The following STARD13 variants were observed in gnomAD, a reference collection of about 807,000 sequenced individuals.
STARD13 encodes the protein StAR related lipid transfer domain containing 13, also known as stAR-related lipid transfer protein 13.
In STARD13, 62 loss-of-function variants were observed where a neutral mutation model predicts 106.4. The observed-to-expected ratio is 0.58, with a 90% CI of 0.48 to 0.72. The LOEUF (loss-of-function observed/expected upper bound fraction) is 0.72. Ranked by LOEUF, STARD13 falls within the 30% of genes least tolerant of loss-of-function variation. The pLI is 0.00. For synonymous variants in STARD13, 565 were observed against 553.0 expected (o/e 1.02, Z -0.31); for missense variants, 1,387 against 1,424.0 (o/e 0.97, Z 0.42).
chr13:33,439,666 A>G, the STARD13 span: 1 of 1,235,824 alleles, frequency 8.1e-7, no homozygotes, highest in South Asian at 1.3e-5. Context: ...CATAAACAGG[A>G]AAACATTTTC....
intron 1 of STARD13, among the ~76,000 whole-genome samples, chr13:33,222,098 G>A (rs531187572): frequency 8.6e-5 from 13 of 151,362 alleles, no homozygotes; most frequent in Non-Finnish European, 1.8e-4. Context: ...GCAGTGAGCC[G>A]AGATCACACC....
chr13:33,614,082 A>G, the STARD13 span, among the ~76,000 whole-genome samples: 6 of 152,174 alleles, frequency 3.9e-5, no homozygotes, highest in Non-Finnish European at 8.8e-5. Flanking sequence ...AAGCCAATTA[A>G]ATGTTTTAAA....
rs1884812862 is a variant in STARD13, at chr13:33,177,937, AAGG to A, written c.170-10318_170-10316del. Among the ~76,000 whole-genome samples, 9 of 10,352 alleles carry A rather than the reference AAGG, an allele frequency of 8.7e-4. 1 individual carries two copies. The highest frequency in any genetic ancestry group is 5.4e-3 in the African/African-American group (8 of 1,472). The allele number at this position is 10,352 out of a possible 152,430, so 6.8% of individuals were successfully genotyped here. Reference sequence around the variant, plus strand: ...GAAGGAAGGAAGGAAGGAAGGAAGGAAGGAAGGAAGGAAGGAAAGGAAGGAAGG... The same window carrying A: ...GAAGGAAGGAAGGAAGGAAGGAAGGAAAGGAAGGAAGGAAAGGAAGGAAGG... On this transcript the variant is annotated intron_variant, in intron 1 of 13. Transcript: ENST00000336934.
At chr13:33,268,379 T>C (rs545001733) in intron 1 of STARD13, among the ~76,000 whole-genome samples, 11 of 152,354 alleles carry the variant, frequency 7.2e-5, no homozygotes, top group Non-Finnish European at 4.4e-5. Context: ...CCATAAGTAG[T>C]TCATCCATAG....
the STARD13 span, among the ~76,000 whole-genome samples, chr13:33,444,342 T>C: frequency 1.0e-3 from 153 of 152,350 alleles, no homozygotes; most frequent in Non-Finnish European, 1.6e-3. Flanking sequence ...AATTATCTCA[T>C]GGATAATTCT....
chr13:33,620,592 ATTC>A, the STARD13 span, among the ~76,000 whole-genome samples: 7 of 152,044 alleles, frequency 4.6e-5, no homozygotes, highest in African/African-American at 1.4e-4. Flanking sequence ...CAGAATATGC[ATTC>A]TTTTCAAGTA....
At chr13:33,656,769 T>A in the STARD13 span, 11 of 152,296 alleles carry the variant, frequency 7.2e-5, no homozygotes, top group South Asian at 2.3e-3. Flanking sequence ...AATACTCAGA[T>A]CCTTAAATCT....
At chr13:33,622,792 T>A in the STARD13 span, among the ~76,000 whole-genome samples, 1 of 149,416 alleles carries the variant, frequency 6.7e-6, no homozygotes, top group African/African-American at 2.5e-5. Flanking sequence ...TGGTGGCGCA[T>A]GCCTGTAGTC....
At chr13:33,347,220 G>A (rs1049311282), downstream of STARD13, among the ~76,000 whole-genome samples, 1 of 152,050 alleles carries the variant, frequency 6.6e-6, no homozygotes, top group African/African-American at 2.4e-5. Flanking sequence ...TTACAATGCC[G>A]TGTTTTTAGC....
chr13:33,315,728 G>A (rs1198204307), intron 1 of STARD13, among the ~76,000 whole-genome samples: 1 of 152,120 alleles, frequency 6.6e-6, no homozygotes, highest in Non-Finnish European at 1.5e-5. Context: ...CTAGGTCAAA[G>A]CATTCAACAT....
At chr13:33,151,481 AG>A (rs34707984) in intron 3 of STARD13, among the ~76,000 whole-genome samples, 2 of 152,204 alleles carry the variant, frequency 1.3e-5, no homozygotes. Flanking sequence ...ATTCAACATC[AG>A]GAAGATGACA....
At chr13:33,593,060 A>C in the STARD13 span, among the ~76,000 whole-genome samples, 1 of 152,338 alleles carries the variant, frequency 6.6e-6, no homozygotes, top group Non-Finnish European at 1.5e-5. Context: ...CACTAGGTCA[A>C]TATGCCAGGG....
chr13:33,110,188 G>T, intron 11 of STARD13, 98 bp from the exon 12 acceptor site: 1 of 1,065,074 alleles, frequency 9.4e-7, no homozygotes, highest in Admixed American at 2.1e-5. Flanking sequence ...ACCTTGCTGG[G>T]TGTTCAAAAA....
chr13:33,309,810 A>C (rs1399626485), intron 1 of STARD13, among the ~76,000 whole-genome samples: 2 of 152,198 alleles, frequency 1.3e-5, no homozygotes, highest in Non-Finnish European at 2.9e-5. Context: ...GTACAGAAAG[A>C]GTCTCTTCTG....
At chr13:33,589,560 A>C in the STARD13 span, among the ~76,000 whole-genome samples, 1 of 152,166 alleles carries the variant, frequency 6.6e-6, no homozygotes, top group African/African-American at 2.4e-5. Context: ...TTATGTACCC[A>C]GTAGTCATTC....
the STARD13 span, among the ~76,000 whole-genome samples, chr13:33,461,387 G>A: frequency 6.6e-6 from 1 of 152,160 alleles, no homozygotes; most frequent in Non-Finnish European, 1.5e-5. Flanking sequence ...CTAAGTGCTT[G>A]TGCTAAGTTT....
intron 1 of STARD13, among the ~76,000 whole-genome samples, chr13:33,208,928 A>G (rs1370659225): frequency 6.6e-6 from 1 of 152,238 alleles, no homozygotes; most frequent in Non-Finnish European, 1.5e-5. Context: ...GAACTTACAA[A>G]TAAATTATGG....
the STARD13 span, among the ~76,000 whole-genome samples, chr13:33,474,423 C>G: frequency 6.6e-6 from 1 of 152,164 alleles, no homozygotes. Flanking sequence ...TATCTCATGA[C>G]TAGAATTCTG....
intron 1 of STARD13, among the ~76,000 whole-genome samples, chr13:33,226,457 A>G (rs1175538849): frequency 2.2e-5 from 2 of 89,626 alleles, no homozygotes; most frequent in African/African-American, 8.1e-5. Flanking sequence ...TTTTTTTTAG[A>G]TGAATATTGT....
Sources: allele counts gnomAD v4.1 joint callset (sites outside exome capture counted in the v4.1 genomes callset), GRCh38; gene constraint gnomAD v4.1.1; transcripts MANE v1.5; gene names NCBI Gene and HGNC (gene_info 2026-07-23, HGNC 2026-07-21).